The following ADGRG5 variants were observed in gnomAD, a reference collection of about 807,000 sequenced individuals.
ADGRG5 encodes G protein-coupled receptor 114.
ADGRG5 carries 37 observed loss-of-function variants against 53.2 expected under a neutral mutation model. The observed-to-expected ratio is 0.70, with a 90% CI of 0.53 to 0.91. The LOEUF (loss-of-function observed/expected upper bound fraction) is 0.91, where lower values mean the gene tolerates loss of function less well. Among genes scored for constraint, ADGRG5 ranks in the 40% least tolerant of loss-of-function variants. The pLI, the probability that ADGRG5 is intolerant of heterozygous loss-of-function variation, is 0.00. For missense variants in ADGRG5, 614 were observed against 675.8 expected (o/e 0.91, Z 1.01); for synonymous variants, 277 against 290.4 (o/e 0.95, Z 0.47).
intron 1 of ADGRG5, among the ~76,000 whole-genome samples, chr16:57,544,141 G>T (rs1026694949): frequency 6.6e-6 from 1 of 152,128 alleles, no homozygotes; most frequent in South Asian, 2.1e-4. Context: ...CAGTGTGCAG[G>T]GGGTAGTGCC....
intron 1 of ADGRG5, among the ~76,000 whole-genome samples, chr16:57,553,981 G>C (rs772882995): frequency 6.6e-6 from 1 of 152,124 alleles, no homozygotes; most frequent in Non-Finnish European, 1.5e-5. Flanking sequence ...TAATCAGTGA[G>C]GCCATCTGGG....
intron 1 of ADGRG5, among the ~76,000 whole-genome samples, chr16:57,552,028 C>T (rs977234438): frequency 2.4e-4 from 35 of 146,220 alleles, no homozygotes; most frequent in Non-Finnish European, 4.4e-4. Context: ...TGAAATAAAT[C>T]TTTTTTTTTT....
chr16:57,562,346 G>A, intron 2 of ADGRG5, 38 bp from the exon 3 acceptor site: 1 of 1,563,712 alleles, frequency 6.4e-7, no homozygotes, highest in Non-Finnish European at 8.7e-7. Context: ...CCAGAGGGCA[G>A]TTGAGACACA....
intron 1 of ADGRG5, among the ~76,000 whole-genome samples, chr16:57,560,229 C>G (rs1367081354): frequency 2.0e-5 from 3 of 152,190 alleles, no homozygotes; most frequent in African/African-American, 7.2e-5. Flanking sequence ...TTTACCTCTC[C>G]CATGGTAGGA....
rs1052300681 is a variant in ADGRG5, at chr16:57,548,116, C to T, written c.-39+5415C>T. Among the ~76,000 whole-genome samples the T allele has an allele frequency of 8.6e-5, 13 of 151,388 alleles. No homozygotes were observed. In the East Asian group the frequency reaches 2.1e-3, roughly 25 times the overall value. ...CTGGTCTTGAACTCCTGGCCTCAAG[C>T]GATTCTCCTGCCTTAGTTTAGGATT... On this transcript the variant is annotated intron_variant, in intron 1 of 11. Transcript: ENST00000349457.
At chr16:57,569,838 G>A (rs74198813) in intron 9 of ADGRG5, among the ~76,000 whole-genome samples, 55,002 of 139,860 alleles carry the variant, frequency 0.39, 10,499 homozygotes, top group East Asian at 0.71. Context: ...CCTCCTCCAC[G>A]TCTATCATCA....
In ADGRG5 at chr16:57,566,537, C is replaced by T; in HGVS notation, c.547-62C>T. On this transcript the variant is annotated intron_variant, in intron 6 of 11. Transcript: ENST00000349457. ...TGAGTCACCGTTGGCCCCCAGGACT[C>T]CCAGACACTGATCTGCAGCCTTTCC... 3.7e-6 allele frequency: 5 copies of T among 1,354,972 alleles called. No homozygotes were observed. The South Asian group carries it at 7.9e-5, about 21-fold the overall frequency. The allele number at this position is 1,354,972 out of a possible 1,614,324, so 83.9% of individuals were successfully genotyped here. A position where few individuals can be genotyped will look rare whatever the true frequency, so the allele number is the denominator to read the frequency against.
intron 1 of ADGRG5, among the ~76,000 whole-genome samples, chr16:57,548,922 T>A (rs1343343762): frequency 6.6e-6 from 1 of 152,228 alleles, no homozygotes; most frequent in Non-Finnish European, 1.5e-5. Context: ...TACAGGTTTT[T>A]GTGTGAACAC....
At chr16:57,536,331 TAG>T in the ADGRG5 span, among the ~76,000 whole-genome samples, 2 of 152,038 alleles carry the variant, frequency 1.3e-5, no homozygotes, top group Non-Finnish European at 2.9e-5. Context: ...GGGAGGCGTC[TAG>T]AAAGTTCTGC....
At chr16:57,541,949 C>T (rs2032498655), upstream of ADGRG5, among the ~76,000 whole-genome samples, 1 of 149,674 alleles carries the variant, frequency 6.7e-6, no homozygotes, top group Admixed American at 6.7e-5. Context: ...CATGCTCTGC[C>T]ACTTGGCAAC....
chr16:57,567,026 G>T (rs1011728269), intron 7 of ADGRG5, among the ~76,000 whole-genome samples: 10 of 152,146 alleles, frequency 6.6e-5, no homozygotes, highest in Admixed American at 1.3e-4. Flanking sequence ...CCTCAAATAG[G>T]ATCTCCTTAT....
intron 1 of ADGRG5, among the ~76,000 whole-genome samples, chr16:57,559,321 C>CCTTT (rs1288162772): frequency 6.6e-6 from 1 of 152,196 alleles, no homozygotes; most frequent in Non-Finnish European, 1.5e-5. Flanking sequence ...CAGCCAATTA[C>CCTTT]CACCTTGCAC....
chr16:57,562,951 A>T (rs1015669775), intron 3 of ADGRG5, 140 bp from the exon 4 acceptor site: 24 of 734,732 alleles, frequency 3.3e-5, no homozygotes, highest in African/African-American at 2.8e-4. Flanking sequence ...TGCCAAGGAC[A>T]CTGTGTGTGC....
intron 1 of ADGRG5, among the ~76,000 whole-genome samples, chr16:57,554,672 G>C (rs542377560): frequency 3.9e-5 from 6 of 152,034 alleles, no homozygotes; most frequent in Non-Finnish European, 8.8e-5. Flanking sequence ...CACCACGCTC[G>C]GCCATAATTT....
chr16:57,564,014 C>T (rs764011691), intron 5 of ADGRG5, 35 bp downstream of exon 5: 29 of 1,595,598 alleles, frequency 1.8e-5, no homozygotes, highest in East Asian at 1.1e-4. Flanking sequence ...GGGTGGGTGC[C>T]GGCCCCTTCT....
chr16:57,531,078 C>A, the ADGRG5 span, among the ~76,000 whole-genome samples: 4 of 152,028 alleles, frequency 2.6e-5, no homozygotes, highest in African/African-American at 9.7e-5. Context: ...CTTCTCCTCT[C>A]ACGATATCCC....
intron 1 of ADGRG5, among the ~76,000 whole-genome samples, chr16:57,546,571 C>A (rs745328518): frequency 1.3e-5 from 2 of 152,170 alleles, no homozygotes; most frequent in Non-Finnish European, 2.9e-5. Flanking sequence ...TGTCTTTTAA[C>A]ATTACATATG....
At chr16:57,570,147 C>T (rs931536360) in intron 9 of ADGRG5, among the ~76,000 whole-genome samples, 2 of 152,172 alleles carry the variant, frequency 1.3e-5, no homozygotes, top group Non-Finnish European at 2.9e-5. Flanking sequence ...TTCCCCAGTC[C>T]TCCCTCCCAT....
At chr16:57,564,298 C>G (rs952755249) in intron 5 of ADGRG5, among the ~76,000 whole-genome samples, 1 of 151,732 alleles carries the variant, frequency 6.6e-6, no homozygotes, top group South Asian at 2.1e-4. Flanking sequence ...GATGCCTAGA[C>G]TAAGACCTTA....
Sources: allele counts gnomAD v4.1 joint callset (sites outside exome capture counted in the v4.1 genomes callset), GRCh38; gene constraint gnomAD v4.1.1; transcripts MANE v1.5; gene names NCBI Gene and HGNC (gene_info 2026-07-23, HGNC 2026-07-21).